Variants in CFAP97D2 observed in about 807,000 individuals in gnomAD.
CFAP97D2 encodes uncharacterized protein CFAP97D2.
intron 3 of CFAP97D2, among the ~76,000 whole-genome samples, chr13:114,201,461 GC>G (rs762361525): frequency 1.7e-4 from 26 of 152,212 alleles, no homozygotes; most frequent in Non-Finnish European, 3.4e-4. Flanking sequence ...CTGGGAAGGT[GC>G]TGCTCCAAGC....
intron 1 of CFAP97D2, among the ~76,000 whole-genome samples, chr13:114,182,656 G>T (rs538455432): frequency 1.3e-5 from 2 of 152,168 alleles, no homozygotes; most frequent in Non-Finnish European, 2.9e-5. Context: ...AGAGGATGGC[G>T]ATGACTTTTA....
intron 4 of CFAP97D2, among the ~76,000 whole-genome samples, chr13:114,215,333 CT>C (rs1432474324): frequency 1.3e-5 from 2 of 151,898 alleles, no homozygotes; most frequent in African/African-American, 2.4e-5. Flanking sequence ...CAATATTTAC[CT>C]TTTTTCTATT....
chr13:114,195,344 T>C (rs1176202480), intron 1 of CFAP97D2, among the ~76,000 whole-genome samples: 2 of 152,210 alleles, frequency 1.3e-5, no homozygotes, highest in Non-Finnish European at 2.9e-5. Flanking sequence ...CACGTCTCCA[T>C]CTGCCCCTTT....
intron 4 of CFAP97D2, among the ~76,000 whole-genome samples, chr13:114,212,985 T>C (rs12583597): frequency 0.065 from 9,905 of 152,280 alleles, 537 homozygotes; most frequent in African/African-American, 0.13. Context: ...ACAATTTAAG[T>C]TCTAAACTCT....
intron 1 of CFAP97D2, among the ~76,000 whole-genome samples, chr13:114,182,525 A>T (rs1306789036): frequency 6.6e-6 from 1 of 151,672 alleles, no homozygotes; most frequent in Non-Finnish European, 1.5e-5. Context: ...GGTCTTTCTC[A>T]TCCCACGAGG....
chr13:114,195,877 C>T (rs1179110050), intron 1 of CFAP97D2, among the ~76,000 whole-genome samples: 1 of 150,490 alleles, frequency 6.6e-6, no homozygotes, highest in Non-Finnish European at 1.5e-5. Context: ...CGAGACCATC[C>T]TGGCTAATGC....
Position 114,185,919 on chromosome 13 carries a change from T to G in CFAP97D2, c.90+6499T>G, listed in dbSNP as rs2080852422. On this transcript the variant is annotated intron_variant, in intron 1 of 4. Transcript: ENST00000646158. The surrounding 1 kb of genome is among the most constrained non-coding windows in gnomAD (Gnocchi z 5.2). Reference sequence around the variant, plus strand: ...TCCTGGGCAGAAGGGGTCAGGTTCCTGGTGAAGCCCCACCTTCAAGCTGGG... The same window carrying G: ...TCCTGGGCAGAAGGGGTCAGGTTCCGGGTGAAGCCCCACCTTCAAGCTGGG... 6.6e-6 allele frequency among the ~76,000 whole-genome samples: 1 copy of G among 152,198 alleles called. No individual in the cohort carries two copies. The highest frequency in any genetic ancestry group is 2.1e-4 in the South Asian group (1 of 4,832).
chr13:114,219,402 C>A (rs2081010174), intron 4 of CFAP97D2, among the ~76,000 whole-genome samples: 1 of 152,178 alleles, frequency 6.6e-6, no homozygotes, highest in African/African-American at 2.4e-5. Context: ...AGTTTTTCCT[C>A]AGCAAATGTC....
At chr13:114,213,796 C>T (rs2080981437) in intron 4 of CFAP97D2, among the ~76,000 whole-genome samples, 1 of 148,590 alleles carries the variant, frequency 6.7e-6, no homozygotes, top group Non-Finnish European at 1.5e-5. Flanking sequence ...CCTGGACAAG[C>T]TCCAGGACCA....
intron 3 of CFAP97D2, among the ~76,000 whole-genome samples, chr13:114,205,486 C>G (rs1410657203): frequency 6.6e-6 from 1 of 152,186 alleles, no homozygotes; most frequent in Non-Finnish European, 1.5e-5. Flanking sequence ...TATGCAAGAT[C>G]ATATCATCTG....
intron 4 of CFAP97D2, among the ~76,000 whole-genome samples, chr13:114,216,640 AT>A (rs2080994642): frequency 6.6e-6 from 1 of 152,194 alleles, no homozygotes; most frequent in Non-Finnish European, 1.5e-5. Context: ...TTATGGCTGC[AT>A]AGTATTCCAT....
chr13:114,219,374 C>T (rs999114305), intron 4 of CFAP97D2, among the ~76,000 whole-genome samples: 46 of 152,130 alleles, frequency 3.0e-4, no homozygotes, highest in Middle Eastern at 3.2e-3. Context: ...TTTTCCTCCT[C>T]TTATATTAAT....
At chr13:114,218,922 G>C (rs147363172) in intron 4 of CFAP97D2, among the ~76,000 whole-genome samples, 9,917 of 152,150 alleles carry the variant, frequency 0.065, 550 homozygotes, top group African/African-American at 0.13. Context: ...ACCATAAAAA[G>C]CCTAGAAGAA....
chr13:114,196,756 C>T (rs974106445), intron 2 of CFAP97D2, among the ~76,000 whole-genome samples: 4 of 152,150 alleles, frequency 2.6e-5, no homozygotes, highest in Non-Finnish European at 5.9e-5. Flanking sequence ...AGGATCTGCC[C>T]GTGACACAGC....
At chr13:114,201,960 C>T (rs1184619553) in intron 3 of CFAP97D2, among the ~76,000 whole-genome samples, 1 of 152,336 alleles carries the variant, frequency 6.6e-6, no homozygotes, top group East Asian at 1.9e-4. Context: ...ACCCATGACA[C>T]CAGCACCCCA....
At chr13:114,209,723 A>G (rs141627414) in intron 3 of CFAP97D2, among the ~76,000 whole-genome samples, 75 of 152,338 alleles carry the variant, frequency 4.9e-4, no homozygotes, top group Admixed American at 1.5e-3. Flanking sequence ...ACGGTAAAAG[A>G]AAGCACAGTC....
intron 4 of CFAP97D2, among the ~76,000 whole-genome samples, chr13:114,221,183 G>A (rs1196331555): frequency 6.6e-6 from 1 of 152,192 alleles, no homozygotes; most frequent in East Asian, 1.9e-4. Flanking sequence ...GGAGGCGGAG[G>A]TTGCAGTGAG....
At chr13:114,188,609 C>G (rs1181279120) in intron 1 of CFAP97D2, among the ~76,000 whole-genome samples, 1 of 151,716 alleles carries the variant, frequency 6.6e-6, no homozygotes, top group Non-Finnish European at 1.5e-5. Flanking sequence ...AACCCCGTCT[C>G]CACTAAACAT....
At chr13:114,196,553 A>C in intron 2 of CFAP97D2, 77 bp downstream of exon 2, 1 of 398,080 alleles carries the variant, frequency 2.5e-6, no homozygotes, top group Non-Finnish European at 4.4e-6. Flanking sequence ...GAAAATAGAA[A>C]AGGCAGGGTT....
Sources: allele counts gnomAD v4.1 joint callset (sites outside exome capture counted in the v4.1 genomes callset), GRCh38; gene constraint gnomAD v4.1.1; non-coding constraint Gnocchi (gnomAD v3.1); transcripts MANE v1.5; gene names NCBI Gene and HGNC (gene_info 2026-07-23, HGNC 2026-07-21).